Variants in PRKCE observed in about 807,000 individuals in gnomAD.
PRKCE encodes protein kinase C epsilon type.
A neutral mutation model predicts 85.4 loss-of-function variants in PRKCE; 16 were observed. The observed-to-expected ratio is 0.19, with a 90% CI of 0.13 to 0.28. The LOEUF (loss-of-function observed/expected upper bound fraction) is 0.28, where lower values mean the gene tolerates loss of function less well. Ranked by LOEUF, PRKCE falls within the 10% of genes least tolerant of loss-of-function variation. PRKCE has a pLI of 1.00. For missense variants in PRKCE, 573 were observed against 975.2 expected (o/e 0.59, Z 5.49); for synonymous variants, 388 against 371.5 (o/e 1.04, Z -0.51).
chr2:45,971,567 G>A (rs1376921313), intron 2 of PRKCE, among the ~76,000 whole-genome samples: 2 of 152,188 alleles, frequency 1.3e-5, no homozygotes, highest in Non-Finnish European at 2.9e-5. Context: ...CAGGGTTGAA[G>A]ACAGTAGAAC....
intron 11 of PRKCE, among the ~76,000 whole-genome samples, chr2:46,110,636 A>T (rs1486302397): frequency 6.7e-6 from 1 of 149,742 alleles, no homozygotes. Flanking sequence ...TTTTTTTTTT[A>T]AAGCGGCTTT....
At chr2:46,027,702 A>C (rs1707219227) in intron 10 of PRKCE, among the ~76,000 whole-genome samples, 1 of 152,198 alleles carries the variant, frequency 6.6e-6, no homozygotes, top group South Asian at 2.1e-4. Flanking sequence ...TCTGTGTATC[A>C]TTCTTTTGCC....
At chr2:45,813,222 A>C (rs1688776974) in intron 1 of PRKCE, among the ~76,000 whole-genome samples, 1 of 152,202 alleles carries the variant, frequency 6.6e-6, no homozygotes, top group Admixed American at 6.5e-5. Flanking sequence ...TGGATTCAGA[A>C]GTGCAGCTGC....
intron 2 of PRKCE, among the ~76,000 whole-genome samples, chr2:45,865,960 G>T (rs1308617380): frequency 6.6e-6 from 1 of 151,850 alleles, no homozygotes; most frequent in Non-Finnish European, 1.5e-5. Context: ...TGAGACCACA[G>T]GTGCATGCCA....
chr2:46,025,931 G>A (rs1329199300), intron 10 of PRKCE, among the ~76,000 whole-genome samples: 5 of 152,184 alleles, frequency 3.3e-5, no homozygotes, highest in Non-Finnish European at 7.3e-5. Flanking sequence ...GTGAGCCTGT[G>A]TCCTGGGTAC....
chr2:45,798,073 G>C (rs1045949068), intron 1 of PRKCE, among the ~76,000 whole-genome samples: 1 of 152,170 alleles, frequency 6.6e-6, no homozygotes, highest in African/African-American at 2.4e-5. Context: ...TTGGCGTGTC[G>C]GGTAGAGAGG....
intron 11 of PRKCE, among the ~76,000 whole-genome samples, chr2:46,096,041 G>T (rs958953299): frequency 6.6e-6 from 1 of 152,196 alleles, no homozygotes; most frequent in Non-Finnish European, 1.5e-5. Flanking sequence ...CTGGCACTGT[G>T]TCAGGTCACC....
At chr2:46,014,045 C>T (rs1403940642) in intron 10 of PRKCE, among the ~76,000 whole-genome samples, 5 of 152,204 alleles carry the variant, frequency 3.3e-5, no homozygotes, top group African/African-American at 9.7e-5. Flanking sequence ...TTGGGCTTTT[C>T]TTTACTGAGC....
At chr2:45,877,564 T>G (rs1050870966) in intron 2 of PRKCE, among the ~76,000 whole-genome samples, 10 of 152,214 alleles carry the variant, frequency 6.6e-5, no homozygotes, top group Admixed American at 5.9e-4. Flanking sequence ...TATGGTACTT[T>G]TAGTTTTTAG....
At chr2:45,979,818 T>C (rs1488068063) in intron 4 of PRKCE, among the ~76,000 whole-genome samples, 1 of 152,108 alleles carries the variant, frequency 6.6e-6, no homozygotes, top group African/African-American at 2.4e-5. Flanking sequence ...TCGATGGGAA[T>C]TTTGAAGTTT....
intron 2 of PRKCE, among the ~76,000 whole-genome samples, chr2:45,850,223 A>G (rs1692140467): frequency 6.6e-6 from 1 of 152,234 alleles, no homozygotes; most frequent in South Asian, 2.1e-4. Context: ...GAGCGTAGAT[A>G]TATATTTCCT....
intron 1 of PRKCE, among the ~76,000 whole-genome samples, chr2:45,706,457 C>T (rs1192821176): frequency 6.6e-6 from 1 of 152,166 alleles, no homozygotes; most frequent in Non-Finnish European, 1.5e-5. Flanking sequence ...CCTGGTTCTC[C>T]CAGGTCGGAG....
chr2:46,154,476 C>CCCG (rs966473426), intron 13 of PRKCE, among the ~76,000 whole-genome samples: 1 of 143,484 alleles, frequency 7.0e-6, no homozygotes, highest in Non-Finnish European at 1.5e-5. Flanking sequence ...AACCCCCCCG[C>CCCG]CCGCCGCCGC....
At chr2:46,178,270 T>C (rs1452870015) in intron 14 of PRKCE, among the ~76,000 whole-genome samples, 1 of 152,038 alleles carries the variant, frequency 6.6e-6, no homozygotes, top group Non-Finnish European at 1.5e-5. Context: ...CAAAAAAAAA[T>C]AGAGCACTGC....
At chr2:46,156,541 T>C (rs918545725) in intron 13 of PRKCE, among the ~76,000 whole-genome samples, 3 of 152,314 alleles carry the variant, frequency 2.0e-5, no homozygotes, top group African/African-American at 7.2e-5. Context: ...AGAAGGGATT[T>C]TCACCGATGA....
intron 1 of PRKCE, among the ~76,000 whole-genome samples, chr2:45,763,570 G>A (rs2104847633): frequency 6.6e-6 from 1 of 151,802 alleles, no homozygotes; most frequent in Middle Eastern, 3.4e-3. Context: ...CCCTCTTCTA[G>A]GACAGTTTTC....
At chr2:46,011,969 T>G (rs2104808239) in intron 10 of PRKCE, among the ~76,000 whole-genome samples, 1 of 152,354 alleles carries the variant, frequency 6.6e-6, no homozygotes, top group East Asian at 1.9e-4. Flanking sequence ...AGACCACTAT[T>G]TAATAGGAAT....
chr2:45,896,376 C>T (rs768841469), intron 2 of PRKCE, among the ~76,000 whole-genome samples: 3 of 152,270 alleles, frequency 2.0e-5, no homozygotes, highest in Admixed American at 6.5e-5. Flanking sequence ...ATGGACTTTA[C>T]GTGGCTGTGG....
intron 2 of PRKCE, among the ~76,000 whole-genome samples, chr2:45,928,198 A>G (rs1291874206): frequency 6.6e-6 from 1 of 152,150 alleles, no homozygotes; most frequent in Non-Finnish European, 1.5e-5. Context: ...GACCTCTACA[A>G]ATTTTGCTTG....
Sources: allele counts gnomAD v4.1 joint callset (sites outside exome capture counted in the v4.1 genomes callset), GRCh38; gene constraint gnomAD v4.1.1; transcripts MANE v1.5; gene names NCBI Gene and HGNC (gene_info 2026-07-23, HGNC 2026-07-21).